Variants in DLGAP2 observed in about 807,000 individuals in gnomAD.
DLGAP2 encodes the protein DLG associated protein 2.
In DLGAP2, 26 loss-of-function variants were observed where a neutral mutation model predicts 100.3. The observed-to-expected ratio is 0.26, with a 90% confidence interval of 0.19 to 0.36. The LOEUF (loss-of-function observed/expected upper bound fraction) is 0.36. Among genes scored for constraint, DLGAP2 ranks in the 10% least tolerant of loss-of-function variants. DLGAP2 has a pLI of 1.00. For missense variants in DLGAP2, 1,858 were observed against 1,453.2 expected, an observed-to-expected ratio of 1.28 and a Z score of -4.53; for synonymous variants, 886 against 630.1, an observed-to-expected ratio of 1.41 and a Z score of -6.08.
chr8:1,320,359 G>A (rs78505162), intron 3 of DLGAP2, among the ~76,000 whole-genome samples: 8 of 152,058 alleles, frequency 5.3e-5, no homozygotes, highest in South Asian at 2.1e-4. Context: ...GAACCGTAGC[G>A]TCGCATCCTA....
At chr8:1,548,484 A>AAAAACC in intron 4 of DLGAP2, 142 bp from the exon 5 acceptor site, 1 of 510,118 alleles carries the variant, frequency 2.0e-6, no homozygotes, top group Non-Finnish European at 3.1e-6. Context: ...AAAAAAAAAA[A>AAAAACC]CCCACAAATC....
chr8:851,861 G>A (rs564695169), intron 1 of DLGAP2, among the ~76,000 whole-genome samples: 1 of 148,994 alleles, frequency 6.7e-6, no homozygotes, highest in African/African-American at 2.4e-5. Flanking sequence ...AGCTGCAGGG[G>A]GCCCCCGCTG....
intron 1 of DLGAP2, among the ~76,000 whole-genome samples, chr8:890,771 G>A (rs1001155980): frequency 2.6e-5 from 4 of 151,938 alleles, no homozygotes; most frequent in Admixed American, 2.0e-4. Flanking sequence ...GTGTGTCTCC[G>A]GCCTCAGCCC....
At chr8:871,152 G>T (rs971806936) in intron 1 of DLGAP2, among the ~76,000 whole-genome samples, 1 of 152,200 alleles carries the variant, frequency 6.6e-6, no homozygotes, top group East Asian at 1.9e-4. Flanking sequence ...TTATGCCACC[G>T]TTGGGTGCCG....
intron 1 of DLGAP2, among the ~76,000 whole-genome samples, chr8:799,595 A>G (rs764314780): frequency 2.6e-5 from 4 of 152,174 alleles, no homozygotes; most frequent in Non-Finnish European, 5.9e-5. Context: ...CAAACAGCTG[A>G]TATGAACTGT....
At chr8:1,061,919 G>A (rs901305982) in intron 2 of DLGAP2, among the ~76,000 whole-genome samples, 5 of 151,996 alleles carry the variant, frequency 3.3e-5, no homozygotes, top group Admixed American at 6.6e-5. Context: ...GACCCATGTC[G>A]TCAGCACTGT....
At chr8:1,507,838 G>A (rs1172175842) in intron 4 of DLGAP2, among the ~76,000 whole-genome samples, 1 of 101,778 alleles carries the variant, frequency 9.8e-6, no homozygotes, top group Non-Finnish European at 1.7e-5. Context: ...CAGGCATCCT[G>A]TAGCCTCCAC....
chr8:1,234,333 G>A (rs940821448), intron 2 of DLGAP2, among the ~76,000 whole-genome samples: 3 of 152,158 alleles, frequency 2.0e-5, no homozygotes, highest in African/African-American at 7.2e-5. Flanking sequence ...CTGAGCCTGT[G>A]AGGGAAGTAC....
At chr8:883,534 G>C (rs983813150) in intron 1 of DLGAP2, among the ~76,000 whole-genome samples, 4 of 151,834 alleles carry the variant, frequency 2.6e-5, no homozygotes, top group Non-Finnish European at 4.4e-5. Context: ...AAAAACCCAG[G>C]ATACATGTAC....
In DLGAP2 at chr8:1,255,960, G is replaced by C. The variant is rs1185933006; in HGVS notation, c.74-2891G>C. 2.1e-4 allele frequency among the ~76,000 whole-genome samples: 25 copies of C among 116,478 alleles called. 2 individuals carry two copies. The highest frequency in any genetic ancestry group is 7.7e-4 in the African/African-American group (20 of 26,114). 76.4% of individuals were successfully genotyped at this position (116,478 alleles called of 152,430 possible). A position where few individuals can be genotyped will look rare whatever the true frequency, so the allele number is the denominator to read the frequency against. On this transcript the variant is annotated intron_variant, in intron 2 of 14. Coordinates refer to ENST00000637795, the MANE Select transcript of DLGAP2 (RefSeq NM_001346810.2). ...TCTCCTGCCTGGGTGCTGTGTGTGT[G>C]CCCTCTCATCCTGCGTGGGTGCTGT...
At position 919,252 on chromosome 8, in the gene DLGAP2, G is replaced by A. The variant is rs575083192; in HGVS notation, c.73+11286G>A. 1.4e-3 allele frequency among the ~76,000 whole-genome samples: 207 copies of A among 152,332 alleles called. 3 individuals carry two copies. The highest frequency in any genetic ancestry group is 4.9e-3 in the African/African-American group (203 of 41,566). On this transcript the variant is annotated intron_variant, in intron 2 of 14. Transcript: ENST00000637795. Reference sequence around the variant, plus strand: ...GTTGTGCACATAATATGGTAGGACTGGTAGGAAGGAAAAACAGCCGTCCTG... The same window carrying A: ...GTTGTGCACATAATATGGTAGGACTAGTAGGAAGGAAAAACAGCCGTCCTG...
rs144528266 is a variant in DLGAP2 at position 1,504,034 on chromosome 8, C to T, written c.172+2603C>T. ...CGTGAGGAAGGTGGACGCATTGGTT[C>T]CAGGGAGGCCTTTTAGCCCATTCGT... On this transcript the variant is annotated intron_variant, in intron 4 of 14. Coordinates refer to ENST00000637795, the MANE Select transcript of DLGAP2 (RefSeq NM_001346810.2). 1.8e-3 allele frequency among the ~76,000 whole-genome samples: 269 copies of T among 152,268 alleles called. 2 individuals are homozygous for T. Among genetic ancestry groups the T allele is most frequent in the African/African-American group, 6.1e-3 (253 of 41,550 alleles).
chr8:1,411,407 G>C (rs1310877364), intron 3 of DLGAP2, among the ~76,000 whole-genome samples: 1 of 152,232 alleles, frequency 6.6e-6, no homozygotes, highest in East Asian at 1.9e-4. Context: ...AAAGCACGAA[G>C]GACTTGACCC....
At chr8:1,313,122 G>T (rs935477984) in intron 3 of DLGAP2, among the ~76,000 whole-genome samples, 17 of 152,156 alleles carry the variant, frequency 1.1e-4, no homozygotes, top group South Asian at 6.2e-4. Flanking sequence ...TTGCCCCTTT[G>T]GGGGGTGACA....
chr8:1,695,653 A>G (rs1799379353), intron 13 of DLGAP2, among the ~76,000 whole-genome samples: 1 of 152,200 alleles, frequency 6.6e-6, no homozygotes, highest in East Asian at 1.9e-4. Context: ...AGAGGGGCAC[A>G]GCTGTGCCCA....
intron 2 of DLGAP2, among the ~76,000 whole-genome samples, chr8:1,061,661 T>A (rs1204553439): frequency 6.6e-6 from 1 of 152,040 alleles, no homozygotes; most frequent in Non-Finnish European, 1.5e-5. Flanking sequence ...CCCTGTGGTG[T>A]TTTCCAGGGA....
chr8:1,159,649 T>C (rs1046130674), intron 2 of DLGAP2, among the ~76,000 whole-genome samples: 7 of 152,208 alleles, frequency 4.6e-5, no homozygotes. Context: ...TATCTCAGAA[T>C]GGAAATATTG....
At chr8:1,232,425 C>A (rs1019783211) in intron 2 of DLGAP2, among the ~76,000 whole-genome samples, 1 of 152,208 alleles carries the variant, frequency 6.6e-6, no homozygotes, top group Non-Finnish European at 1.5e-5. Flanking sequence ...CTCCAGCACC[C>A]TCATGGTAGT....
chr8:1,582,974 T>C (rs79954230), intron 6 of DLGAP2, among the ~76,000 whole-genome samples: 1,979 of 152,214 alleles, frequency 0.013, 36 homozygotes, highest in African/African-American at 0.037. Flanking sequence ...GACCGTGCAT[T>C]TGCGGAAATT....
Sources: allele counts gnomAD v4.1 joint callset (sites outside exome capture counted in the v4.1 genomes callset), GRCh38; gene constraint gnomAD v4.1.1; transcripts MANE v1.5; gene names NCBI Gene and HGNC (gene_info 2026-07-23, HGNC 2026-07-21).